The following MUC6 variants were observed in gnomAD, a reference collection of about 807,000 sequenced individuals.
MUC6 encodes mucin 6, oligomeric mucus/gel-forming (gene/pseudogene).
Under a neutral mutation model 201.5 loss-of-function variants are expected in MUC6, and 188 were observed. The observed-to-expected ratio is 0.93, with a 90% CI of 0.83 to 1.05. The LOEUF (loss-of-function observed/expected upper bound fraction) is 1.05, where lower values mean the gene tolerates loss of function less well. MUC6 is among the 50% of genes least tolerant of loss of function. The probability of loss-of-function intolerance (pLI) is 0.00; values close to 1 mark genes in which losing one functional copy is unlikely to be tolerated. For missense variants in MUC6, 2,706 were observed against 3,256.9 expected, an observed-to-expected ratio of 0.83 and a Z score of 4.12; for synonymous variants, 1,228 against 1,389.4, an observed-to-expected ratio of 0.88 and a Z score of 2.58.
chr11:1,027,010 C>A lies in MUC6; in HGVS notation c.2325G>T (p.Gln775His), dbSNP rs773656332. Residue 775 changes from glutamine to histidine, a missense_variant, in exon 19 of 33, where the codon CAG (glutamine) becomes CAT (histidine). Coordinates refer to ENST00000421673, the MANE Select transcript of MUC6 (RefSeq NM_005961.3). ...CTGCCCCAAACTTGTTCTCGGAGGACTGGCTGCAGGACTTGAAGGTCTTAG... is the reference window on the plus strand; with the variant it reads ...CTGCCCCAAACTTGTTCTCGGAGGAATGGCTGCAGGACTTGAAGGTCTTAG... ...QAPKTFKSCS[Q>H]SSENKFGAAC... 1 of 1,602,784 alleles carries A rather than the reference C, an allele frequency of 6.2e-7. No homozygotes were observed. Among genetic ancestry groups the A allele is most frequent in the Non-Finnish European group, 8.5e-7 (1 of 1,175,556 alleles).
At position 1,016,151 on chromosome 11, in the gene MUC6, G is replaced by A; in HGVS notation, c.6650C>T (p.Ser2217Phe). 2 of 1,613,642 alleles carry A rather than the reference G, an allele frequency of 1.2e-6. No individual in the cohort carries two copies. The highest frequency in any genetic ancestry group is 1.7e-6 in the Non-Finnish European group (2 of 1,179,812). ...TAGAGCAGAGAGGGTGAAAGGAGAG[G>A]AGATAGTGTGGGGGAGAGTGGCCCT... Reference protein sequence around the residue: ...TIRATLPHTISSPFTLSALLP... With the variant: ...TIRATLPHTIFSPFTLSALLP... Residue 2217 changes from serine (S) to phenylalanine (F), a missense_variant, in exon 31 of 33, where the codon TCC becomes TTC. Transcript: ENST00000421673.
intron 14 of MUC6, 80 bp from the exon 15 acceptor site, chr11:1,028,139 C>T: frequency 1.3e-6 from 2 of 1,532,878 alleles, no homozygotes; most frequent in Non-Finnish European, 1.8e-6. Flanking sequence ...CCCACCCTGG[C>T]AGCTGGGCCT....
At chr11:1,030,114 GGGGTGACCT>G (rs1369555338) in intron 8 of MUC6, 90 bp downstream of exon 8, 2 of 1,376,786 alleles carry the variant, frequency 1.5e-6, no homozygotes, top group Admixed American at 4.9e-5. Context: ...GCAGAATGTT[GGGGTGACCT>G]GGGTCGGGGT....
chr11:1,013,690 T>C, intron 32 of MUC6, 57 bp from the exon 33 acceptor site: 1 of 1,517,074 alleles, frequency 6.6e-7, no homozygotes, highest in Non-Finnish European at 8.9e-7. Context: ...ATAAGGCCCC[T>C]CCCTCCCCAG....
At chr11:1,036,368 G>C (rs1330763748) in intron 1 of MUC6, among the ~76,000 whole-genome samples, 1 of 152,238 alleles carries the variant, frequency 6.6e-6, no homozygotes, top group South Asian at 2.1e-4. Context: ...ACAGGAGGGC[G>C]TCCCTGCCCA....
In MUC6 at chr11:1,027,957, G is replaced by A. The variant is rs1313070515; in HGVS notation, c.1848+8C>T. On this transcript the variant is annotated splice_region_variant and intron_variant, in intron 15 of 32. Transcript: ENST00000421673. ...TGCAGCCCTCCCAAGACGCCCTCGG[G>A]CCCTCACCTTGTAGAAGGGTGCAGG... is the stretch of plus-strand genomic sequence containing the variant. 1 of 1,568,686 alleles carries A rather than the reference G, an allele frequency of 6.4e-7. No homozygotes were observed. The highest frequency in any genetic ancestry group is 1.2e-5 in the South Asian group (1 of 85,608).
chr11:1,020,144 T>G lies in MUC6; in HGVS notation c.3754A>C (p.Thr1252Pro). Residue 1252 changes from threonine to proline, a missense_variant, in exon 29 of 33, where the codon ACA (threonine) becomes CCA (proline). Coordinates refer to ENST00000421673, the MANE Select transcript of MUC6 (RefSeq NM_005961.3). The part of the protein sequence containing the change: ...SNHTPASPTQ[T>P]PLLPATLTSS... The stretch of plus-strand genomic sequence containing the variant: ...GTGAGCGTGGCTGGAAGGAGGGGTG[T>G]CTGGGTGGGGCTGGCAGGGGTGTGA... The G allele has an allele frequency of 6.2e-7, 1 of 1,612,850 alleles. No individual in the cohort carries two copies. The highest frequency in any genetic ancestry group is 8.5e-7 in the Non-Finnish European group (1 of 1,179,738).
At chr11:1,013,705 G>C in intron 32 of MUC6, 72 bp from the exon 33 acceptor site, 1 of 1,491,502 alleles carries the variant, frequency 6.7e-7, no homozygotes, top group Non-Finnish European at 9.0e-7. Context: ...CCCCAGGGCA[G>C]CTGCTCCGCA....
chr11:1,030,803 TG>T, intron 6 of MUC6, 23 bp from the exon 7 acceptor site: 1 of 1,533,686 alleles, frequency 6.5e-7, no homozygotes. Flanking sequence ...CTCAGGGTCA[TG>T]GGGGCAAAGG....
At chr11:1,013,824 G>A (rs749109224) in intron 32 of MUC6, 75 bp downstream of exon 32, 1 of 1,487,482 alleles carries the variant, frequency 6.7e-7, no homozygotes, top group South Asian at 1.2e-5. Context: ...CCTGGGTGGG[G>A]TGCCCGAACC....
At position 1,031,860 on chromosome 11, in the gene MUC6, G is replaced by A; in HGVS notation, c.309C>T (p.Ala103=). The A allele has an allele frequency of 6.2e-7, 1 of 1,612,638 alleles. No individual in the cohort carries two copies. The highest frequency in any genetic ancestry group is 8.5e-7 in the Non-Finnish European group (1 of 1,179,836). ...SISRIIVELG[A]SVVTVSEAII... ...TGGCTTCGCTCACAGTGACGACGGA[G>A]GCCCCCAGCTCCACGATGATCCGCG... Residue 103 remains alanine, a synonymous_variant, in exon 3 of 33, where the codon GCC becomes GCT. Coordinates refer to ENST00000421673, the MANE Select transcript of MUC6 (RefSeq NM_005961.3).
chr11:1,023,637 A>G lies in MUC6; in HGVS notation c.3398T>C (p.Phe1133Ser). The G allele has an allele frequency of 6.2e-7, 1 of 1,612,576 alleles. No individual in the cohort carries two copies. The highest frequency in any genetic ancestry group is 8.5e-7 in the Non-Finnish European group (1 of 1,179,762). ...TPAFCPIYCG[F>S]YNTHTQDGHG... ...GCCGTCCTGCGTGTGCGTGTTGTAGAAGCCGCAGTAGATGGCTGGGAGGAA... is the reference window on the plus strand; with the variant it reads ...GCCGTCCTGCGTGTGCGTGTTGTAGGAGCCGCAGTAGATGGCTGGGAGGAA... Residue 1133 changes from phenylalanine (F) to serine (S), a missense_variant, in exon 26 of 33, where the codon TTC becomes TCC. Physicochemically the swap from Phe to Ser is radical, Grantham distance 155. Coordinates refer to ENST00000421673, the MANE Select transcript of MUC6 (RefSeq NM_005961.3).
chr11:1,030,683 G>T lies in MUC6; in HGVS notation c.782C>A (p.Ala261Asp), dbSNP rs781026427. The T allele has an allele frequency of 1.3e-6, 2 of 1,549,800 alleles. No individual in the cohort carries two copies. Among genetic ancestry groups the T allele is most frequent in the South Asian group, 2.4e-5 (2 of 84,282 alleles). Residue 261 changes from alanine to aspartate, a missense_variant, in exon 7 of 33, where the codon GCC becomes GAC. Ala to Asp is a moderately radical substitution (Grantham distance 126). This residue lies in a region of MUC6 where 1,850 missense variants were observed against 1,958.3 expected (regional missense o/e 0.94). Coordinates refer to ENST00000421673, the MANE Select transcript of MUC6 (RefSeq NM_005961.3). Reference sequence around the variant, plus strand: ...GCTGTTCTGTGGGCCTGGCTGGGGGGCTGCGGCCACGTCCGCCTGGCAGCT... The same window carrying T: ...GCTGTTCTGTGGGCCTGGCTGGGGGTCTGCGGCCACGTCCGCCTGGCAGCT... ...VLSCQADVAA[A>D]PQPGPQNSSC...
Position 1,015,813 on chromosome 11 carries a change from G to A in MUC6, c.6988C>T (p.Pro2330Ser), listed in dbSNP as rs1856590002. ...AGAGAAGATACCGGGGCAGAAGCAG[G>A]GGTGCTTCCATGGGCAGTGAGGGAG... ...TSSLTAHGST[P>S]ASAPVSSLGT... is the part of the protein sequence containing the mutation. Residue 2330 changes from proline (P) to serine (S), a missense_variant, in exon 31 of 33, where the codon CCT (proline) becomes TCT (serine). This residue lies in a region of MUC6 where 586 missense variants were observed against 488.0 expected (regional missense o/e 1.20). Transcript: ENST00000421673. 1.3e-6 allele frequency: 2 copies of A among 1,567,450 alleles called. No homozygotes were observed. Among genetic ancestry groups the A allele is most frequent in the Non-Finnish European group, 1.7e-6 (2 of 1,154,910 alleles).
rs1212078658 is a variant in MUC6 at position 1,033,926 on chromosome 11, T to C, written c.53-851A>G. 6.6e-6 allele frequency among the ~76,000 whole-genome samples: 1 copy of C among 152,070 alleles called. No individual in the cohort carries two copies. Among genetic ancestry groups the C allele is most frequent in the African/African-American group, 2.4e-5 (1 of 41,410 alleles). ...CCGGGACCCTCCTTGCCCCTGCCCA[T>C]TGGTTAGCAGGGCACTCACAGCACC... On this transcript the variant is annotated intron_variant, in intron 1 of 32. Transcript: ENST00000421673. The surrounding 1 kb of genome is among the most constrained non-coding windows in gnomAD (Gnocchi z 5.6).
intron 9 of MUC6, 57 bp downstream of exon 9, chr11:1,029,438 C>T (rs1199206260): frequency 9.3e-6 from 15 of 1,604,412 alleles, no homozygotes; most frequent in Non-Finnish European, 1.3e-5. Flanking sequence ...CCCTGCCTGC[C>T]CTAGGCCAGT....
chr11:1,020,397 C>T, intron 28 of MUC6, 140 bp from the exon 29 acceptor site: 1 of 1,203,576 alleles, frequency 8.3e-7, no homozygotes, highest in Non-Finnish European at 1.1e-6. Flanking sequence ...GCCTGTGGCA[C>T]TCTGAGTGCA....
intron 20 of MUC6, 87 bp downstream of exon 20, chr11:1,026,240 C>T (rs890776468): frequency 1.4e-5 from 22 of 1,536,146 alleles, no homozygotes; most frequent in Non-Finnish European, 1.8e-5. Context: ...ACGCCCCCGC[C>T]TCTGGGACAG....
rs563309290 is a variant in MUC6, at chr11:1,026,918, C to T, written c.2394+23G>A. ...TTCAGCTGGGGCCCGGGCATTGTCC[C>T]TGCTCCTCGCGCGCCCCCTTACGCA... is the stretch of plus-strand genomic sequence containing the variant. On this transcript the variant is annotated intron_variant, in intron 19 of 32. Coordinates refer to ENST00000421673, the MANE Select transcript of MUC6 (RefSeq NM_005961.3). The T allele has an allele frequency of 4.5e-6, 7 of 1,540,694 alleles. No homozygotes were observed. The South Asian group carries it at 5.9e-5, about 13-fold the overall frequency.
Sources: gnomAD v4.1 joint callset for allele counts (sites outside exome capture counted in the v4.1 genomes callset) on GRCh38, gnomAD v4.1.1 for gene constraint, gnomAD v4.1.1 regional missense constraint, Gnocchi (gnomAD v3.1) non-coding constraint, MANE v1.5 for transcripts, NCBI Gene and HGNC (gene_info 2026-07-23, HGNC 2026-07-21) for gene names.